GAK: variants seen among roughly 807,000 people sequenced by gnomAD.
GAK encodes cyclin G associated kinase.
A neutral mutation model predicts 143.9 loss-of-function variants in GAK; 79 were observed. That is an observed-to-expected ratio of 0.55 (90% CI 0.46 to 0.66). The LOEUF (loss-of-function observed/expected upper bound fraction) is 0.66. GAK is among the 30% of genes least tolerant of loss of function. The pLI is 0.00. For missense variants in GAK, 1,693 were observed against 1,779.7 expected (o/e 0.95, Z 0.88); for synonymous variants, 881 against 765.5 (o/e 1.15, Z -2.49).
At chr4:902,558 G>A (rs1208828056) in intron 5 of GAK, among the ~76,000 whole-genome samples, 1 of 130,368 alleles carries the variant, frequency 7.7e-6, no homozygotes, top group African/African-American at 2.9e-5. Flanking sequence ...CCCCGTCAGT[G>A]CCGCTGCACT....
chr4:860,730 G>A (rs1293301174), intron 23 of GAK, among the ~76,000 whole-genome samples: 3 of 150,584 alleles, frequency 2.0e-5, no homozygotes, highest in Non-Finnish European at 3.0e-5. Flanking sequence ...CCCAGGCCCT[G>A]GCGCACCTCG....
chr4:888,948 G>A lies in GAK; in HGVS notation c.1104C>T (p.Asp368=), dbSNP rs761236548. Reference sequence around the variant, plus strand: ...TGTCCAGGAAGCCGCCATACGGCTGGTCGTACTCCGCCAGCGCCAGGCCTG... The same window carrying A: ...TGTCCAGGAAGCCGCCATACGGCTGATCGTACTCCGCCAGCGCCAGGCCTG... ...YSGGLALAEY[D]QPYGGFLDIL... is the part of the protein sequence containing the mutation. Residue 368 remains aspartate (D), a synonymous_variant, in exon 11 of 28, where the codon GAC becomes GAT. Coordinates refer to ENST00000314167, the MANE Select transcript of GAK (RefSeq NM_005255.4). The A allele has an allele frequency of 3.7e-6, 6 of 1,611,756 alleles. No homozygotes were observed. The highest frequency in any genetic ancestry group is 4.5e-5 in the East Asian group (2 of 44,850).
chr4:855,485 G>C (rs2152694310), intron 24 of GAK, among the ~76,000 whole-genome samples: 1 of 152,312 alleles, frequency 6.6e-6, no homozygotes, highest in East Asian at 1.9e-4. Context: ...GATCTTTGTA[G>C]ATTGCTTCAG....
Position 849,973 on chromosome 4 carries a change from G to A in GAK, c.3753C>T (p.Pro1251=), listed in dbSNP as rs562296724. The A allele has an allele frequency of 1.1e-4, 172 of 1,611,840 alleles. No homozygotes were observed. The highest frequency in any genetic ancestry group is 1.5e-4 in the South Asian group (14 of 90,764). ...VLWDGESRWT[P]VGMADLVAPE... is the part of the protein sequence containing the mutation. ...GAGCCACCAGGTCGGCCATGCCCACGGGCGTCCAGCGGCTCTCCCCGTCCC... is the reference window on the plus strand; with the variant it reads ...GAGCCACCAGGTCGGCCATGCCCACAGGCGTCCAGCGGCTCTCCCCGTCCC... The change falls in exon 27 of 28, where the codon CCC becomes CCT. Residue 1251 remains proline (P), a synonymous_variant. Transcript: ENST00000314167.
At chr4:857,083 G>A (rs998342862) in intron 24 of GAK, among the ~76,000 whole-genome samples, 2 of 152,156 alleles carry the variant, frequency 1.3e-5, no homozygotes, top group Admixed American at 6.5e-5. Context: ...TACTTTCAAT[G>A]GCAAAACCAC....
chr4:929,275 G>A (rs776407510), intron 1 of GAK, among the ~76,000 whole-genome samples: 3 of 152,234 alleles, frequency 2.0e-5, no homozygotes, highest in Admixed American at 6.5e-5. Context: ...CTGCGGGCTG[G>A]CTCAAATTAC....
At chr4:909,967 G>GCA (rs1667961486) in intron 4 of GAK, among the ~76,000 whole-genome samples, 1 of 144,040 alleles carries the variant, frequency 6.9e-6, no homozygotes, top group Non-Finnish European at 1.6e-5. Context: ...GCCACGTCAA[G>GCA]CACCCATCCG....
Position 877,215 on chromosome 4 carries a change from C to T in GAK, c.1857-8G>A, listed in dbSNP as rs762977152. On this transcript the variant is annotated splice_polypyrimidine_tract_variant and splice_region_variant and intron_variant, in intron 16 of 27. Coordinates refer to ENST00000314167, the MANE Select transcript of GAK (RefSeq NM_005255.4). ...TCTTCAATCTTAAAGTCCCTAAGGA[C>T]AGAATGACAAGAGAAAAATTTTAAA... The T allele has an allele frequency of 6.3e-7, 1 of 1,593,812 alleles. No homozygotes were observed. Among genetic ancestry groups the T allele is most frequent in the Non-Finnish European group, 8.6e-7 (1 of 1,162,094 alleles).
At chr4:912,139 A>G in intron 3 of GAK, 1 of 460,990 alleles carries the variant, frequency 2.2e-6, no homozygotes, top group Non-Finnish European at 4.3e-6. Flanking sequence ...CCGAACCCAC[A>G]CTCAGGCAGC....
At chr4:892,053 G>T (rs1341221091) in intron 9 of GAK, among the ~76,000 whole-genome samples, 1 of 152,028 alleles carries the variant, frequency 6.6e-6, no homozygotes, top group East Asian at 1.9e-4. Flanking sequence ...CTGCTCCCAG[G>T]TCTCTGTACC....
intron 24 of GAK, among the ~76,000 whole-genome samples, chr4:856,152 CCACACCTGCTCACCACCACAGCTGCT>C (rs1749084667): frequency 1.4e-5 from 2 of 146,476 alleles, no homozygotes; most frequent in Admixed American, 6.7e-5. Flanking sequence ...CAGCTGCTCA[CCACACCTGCTCACCACCACAGCTGCT>C]CACACCTGCT....
intron 4 of GAK, among the ~76,000 whole-genome samples, chr4:906,832 C>A (rs574113152): frequency 6.6e-6 from 1 of 152,166 alleles, no homozygotes; most frequent in Non-Finnish European, 1.5e-5. Context: ...CCAGAGCTTG[C>A]GCTCCCAGCC....
At chr4:885,571 G>T (rs1355539639) in intron 11 of GAK, among the ~76,000 whole-genome samples, 1 of 152,144 alleles carries the variant, frequency 6.6e-6, no homozygotes, top group African/African-American at 2.4e-5. Context: ...GTGTACCACA[G>T]GTGTGTGTGT....
chr4:893,736 A>G, intron 8 of GAK, 138 bp downstream of exon 8: 2 of 988,992 alleles, frequency 2.0e-6, no homozygotes, highest in Non-Finnish European at 2.8e-6. Flanking sequence ...CCCCCCCCCC[A>G]GGGATGTTGT....
chr4:893,849 A>T (rs1718179552), intron 8 of GAK, 25 bp downstream of exon 8: 1 of 1,558,202 alleles, frequency 6.4e-7, no homozygotes, highest in South Asian at 1.2e-5. Context: ...GTCCTGCCCC[A>T]CGCACGCATT....
chr4:870,654 T>C, intron 19 of GAK, 57 bp downstream of exon 19: 1 of 1,564,470 alleles, frequency 6.4e-7, no homozygotes, highest in Non-Finnish European at 8.7e-7. Context: ...AAGGTGTCTC[T>C]CTCCACAGAG....
At chr4:864,310 G>A (rs1750767354) in intron 23 of GAK, among the ~76,000 whole-genome samples, 1 of 152,202 alleles carries the variant, frequency 6.6e-6, no homozygotes, top group Non-Finnish European at 1.5e-5. Flanking sequence ...GAAGTGAGTA[G>A]AGATTGCGCC....
chr4:870,613 C>A (rs1456508448), intron 19 of GAK, 98 bp downstream of exon 19: 2 of 1,285,558 alleles, frequency 1.6e-6, no homozygotes, highest in African/African-American at 1.5e-5. Flanking sequence ...CAGCAGCAGG[C>A]GTGGGGCCCA....
In GAK at chr4:877,199, T is replaced by G. The variant is rs1337055355; in HGVS notation, c.1865A>C (p.Lys622Thr). The G allele has an allele frequency of 6.2e-7, 1 of 1,610,268 alleles. No individual in the cohort carries two copies. Among genetic ancestry groups the G allele is most frequent in the African/African-American group, 1.3e-5 (1 of 74,818 alleles). ...AATCACCGCTTTGCCATCTTCAATC[T>G]TAAAGTCCCTAAGGACAGAATGACA... Reference protein sequence around the residue: ...SQEYDKMRDFKIEDGKAVIPL... With the variant: ...SQEYDKMRDFTIEDGKAVIPL... The change falls in exon 17 of 28, where the codon AAG (lysine) becomes ACG (threonine). Residue 622 changes from lysine (K) to threonine (T), a missense_variant. Around this residue, in one of 2 missense-constraint regions of GAK, gnomAD observed 871 missense variants for 991.0 expected, o/e 0.88. Coordinates refer to ENST00000314167, the MANE Select transcript of GAK (RefSeq NM_005255.4).
Sources: gnomAD v4.1 joint callset for allele counts (sites outside exome capture counted in the v4.1 genomes callset) on GRCh38, gnomAD v4.1.1 for gene constraint, gnomAD v4.1.1 regional missense constraint, MANE v1.5 for transcripts, NCBI Gene and HGNC (gene_info 2026-07-23, HGNC 2026-07-21) for gene names.